PTPRD: variants seen among roughly 807,000 people sequenced by gnomAD.
The protein encoded by PTPRD is receptor-type tyrosine-protein phosphatase delta.
A neutral mutation model predicts 214.5 loss-of-function variants in PTPRD; 34 were observed. The observed-to-expected ratio is 0.16, with a 90% confidence interval of 0.12 to 0.21. PTPRD has a LOEUF of 0.21. Among genes scored for constraint, PTPRD ranks in the 10% least tolerant of loss-of-function variants. The pLI is 1.00. For missense variants in PTPRD, 2,545 were observed against 2,398.7 expected (o/e 1.06, Z -1.27); for synonymous variants, 1,128 against 845.7 (o/e 1.33, Z -5.79).
intron 12 of PTPRD, among the ~76,000 whole-genome samples, chr9:8,640,050 C>T (rs2096539102): frequency 2.0e-5 from 3 of 152,172 alleles, no homozygotes; most frequent in African/African-American, 7.2e-5. Context: ...CCCACCTTAG[C>T]ATCCAGAGTG....
At chr9:10,506,087 G>C (rs941961172) in intron 2 of PTPRD, among the ~76,000 whole-genome samples, 6 of 152,092 alleles carry the variant, frequency 3.9e-5, no homozygotes, top group Admixed American at 3.3e-4. Context: ...GTTATTGATT[G>C]CAAGTGGCAA....
intron 4 of PTPRD, among the ~76,000 whole-genome samples, chr9:9,945,412 CT>C (rs2092407677): frequency 6.6e-6 from 1 of 152,048 alleles, no homozygotes; most frequent in African/African-American, 2.4e-5. Context: ...GGTAGTCCAA[CT>C]TTTAGATACT....
At chr9:8,649,628 A>G (rs2096765187) in intron 12 of PTPRD, among the ~76,000 whole-genome samples, 2 of 152,256 alleles carry the variant, frequency 1.3e-5, no homozygotes. Context: ...TTTGTAAACA[A>G]AAAAACATTT....
chr9:10,506,392 C>T (rs1455470003), intron 2 of PTPRD, among the ~76,000 whole-genome samples: 1 of 152,056 alleles, frequency 6.6e-6, no homozygotes, highest in Non-Finnish European at 1.5e-5. Flanking sequence ...ACTTTGATTT[C>T]ATCAGTTTTT....
At chr9:8,991,534 CT>C (rs1281040519) in intron 11 of PTPRD, among the ~76,000 whole-genome samples, 1 of 152,074 alleles carries the variant, frequency 6.6e-6, no homozygotes, top group African/African-American at 2.4e-5. Context: ...GTATGAAGGA[CT>C]TGTGTATCTA....
intron 12 of PTPRD, among the ~76,000 whole-genome samples, chr9:8,728,982 A>C (rs2098623284): frequency 6.6e-6 from 1 of 152,142 alleles, no homozygotes; most frequent in Admixed American, 6.5e-5. Flanking sequence ...TGTCTCAAAA[A>C]AACTAAAAAA....
intron 35 of PTPRD, among the ~76,000 whole-genome samples, chr9:8,435,621 TA>T (rs1314262834): frequency 6.6e-6 from 1 of 152,164 alleles, no homozygotes. Flanking sequence ...TTGGCTTCAT[TA>T]AGGGTCCTTG....
chr9:9,240,629 T>C lies in PTPRD; in HGVS notation c.-202-57266A>G, dbSNP rs2099969888. Among the ~76,000 whole-genome samples the C allele has an allele frequency of 1.3e-5, 2 of 152,106 alleles. 1 individual carries two copies. Among genetic ancestry groups the C allele is most frequent in the African/African-American group, 4.8e-5 (2 of 41,428 alleles). On this transcript the variant is annotated intron_variant, in intron 9 of 45. Transcript: ENST00000381196. ...AGAGAGACACTAAAGCAATTAGGCTTATTTGATATATTAAAATATATGGAA... is the reference window on the plus strand; with the variant it reads ...AGAGAGACACTAAAGCAATTAGGCTCATTTGATATATTAAAATATATGGAA...
intron 9 of PTPRD, among the ~76,000 whole-genome samples, chr9:9,328,040 T>C (rs2040723345): frequency 6.6e-6 from 1 of 152,256 alleles, no homozygotes; most frequent in South Asian, 2.1e-4. Context: ...ATGTACATAG[T>C]TTTTGTGTTG....
intron 2 of PTPRD, among the ~76,000 whole-genome samples, chr9:10,425,226 T>C (rs1394330544): frequency 6.6e-6 from 1 of 151,964 alleles, no homozygotes; most frequent in Non-Finnish European, 1.5e-5. Flanking sequence ...ATTAGAGTTA[T>C]TCAAATGTTT....
rs1458299128 is a variant in PTPRD, at chr9:9,676,401, T to A, written c.-287+58132A>T. Among the ~76,000 whole-genome samples the A allele has an allele frequency of 2.6e-5, 4 of 151,802 alleles. No homozygotes were observed. In the South Asian group the frequency reaches 8.3e-4, roughly 32 times the overall value. On this transcript the variant is annotated intron_variant, in intron 7 of 45. Coordinates refer to ENST00000381196, the MANE Select transcript of PTPRD (RefSeq NM_002839.4). ...GTTTGGTTTTTTGTCCTTGTGATAG[T>A]TTGCTGAGAATGATGGTTTCCAGCT...
At chr9:9,069,033 G>T (rs887488651) in intron 10 of PTPRD, among the ~76,000 whole-genome samples, 2 of 152,162 alleles carry the variant, frequency 1.3e-5, no homozygotes, top group East Asian at 3.9e-4. Flanking sequence ...AAAATAAAAA[G>T]CACCCACTTA....
At chr9:8,785,165 A>T (rs1262636050) in intron 11 of PTPRD, among the ~76,000 whole-genome samples, 2 of 152,228 alleles carry the variant, frequency 1.3e-5, no homozygotes, top group African/African-American at 4.8e-5. Context: ...ACAAATATGT[A>T]CAAGAAAAGA....
At chr9:8,895,956 G>A (rs912085990) in intron 11 of PTPRD, among the ~76,000 whole-genome samples, 1 of 152,186 alleles carries the variant, frequency 6.6e-6, no homozygotes, top group Non-Finnish European at 1.5e-5. Context: ...GCTGCCCCCT[G>A]TAGTTTGCTC....
chr9:9,182,419 C>A (rs1269156697), intron 10 of PTPRD, among the ~76,000 whole-genome samples: 2 of 152,064 alleles, frequency 1.3e-5, no homozygotes, highest in Non-Finnish European at 1.5e-5. Flanking sequence ...ACCTCACAGA[C>A]TTTATTTAGA....
At chr9:8,431,255 G>A (rs2132176600) in intron 35 of PTPRD, among the ~76,000 whole-genome samples, 1 of 152,158 alleles carries the variant, frequency 6.6e-6, no homozygotes, top group African/African-American at 2.4e-5. Context: ...ATGAAAATAT[G>A]ATTACAGACC....
At chr9:10,263,528 G>C (rs535542571) in intron 3 of PTPRD, among the ~76,000 whole-genome samples, 41 of 152,256 alleles carry the variant, frequency 2.7e-4, no homozygotes, top group Admixed American at 5.9e-4. Context: ...AAAGACTGGT[G>C]ACATTTTGTC....
At chr9:9,443,910 A>G (rs142973014) in intron 8 of PTPRD, among the ~76,000 whole-genome samples, 1 of 152,166 alleles carries the variant, frequency 6.6e-6, no homozygotes, top group Non-Finnish European at 1.5e-5. Flanking sequence ...TGAAACATGC[A>G]CTTATATTCA....
intron 5 of PTPRD, among the ~76,000 whole-genome samples, chr9:9,908,510 T>A (rs1400128422): frequency 6.6e-6 from 1 of 152,034 alleles, no homozygotes; most frequent in African/African-American, 2.4e-5. Flanking sequence ...CTGCTGGGAG[T>A]ATGTGCCATC....
Sources: allele counts gnomAD v4.1 joint callset (sites outside exome capture counted in the v4.1 genomes callset), GRCh38; gene constraint gnomAD v4.1.1; transcripts MANE v1.5; gene names NCBI Gene and HGNC (gene_info 2026-07-23, HGNC 2026-07-21).